The following AGAP3 variants were observed in gnomAD, a reference collection of about 807,000 sequenced individuals.
AGAP3 encodes the protein arf-GAP with GTPase, ANK repeat and PH domain-containing protein 3.
Under a neutral mutation model 96.9 loss-of-function variants are expected in AGAP3, and 24 were observed. The observed-to-expected ratio is 0.25, with a 90% CI of 0.18 to 0.35. AGAP3 has a LOEUF of 0.35. Ranked by LOEUF, AGAP3 falls within the 10% of genes least tolerant of loss-of-function variation. The pLI, the probability that AGAP3 is intolerant of heterozygous loss-of-function variation, is 1.00. For synonymous variants in AGAP3, 563 were observed against 536.1 expected (o/e 1.05, Z -0.69); for missense variants, 876 against 1,254.2 (o/e 0.70, Z 4.55).
rs892675579 is a variant in AGAP3 at position 151,096,649 on chromosome 7, T to A, written c.331+9577T>A. Reference sequence around the variant, plus strand: ...CACCACGCCCGGCTTATTTTTTGTATTTTTAGTAGAGACGAGGTTTCACCG... The same window carrying A: ...CACCACGCCCGGCTTATTTTTTGTAATTTTAGTAGAGACGAGGTTTCACCG... On this transcript the variant is annotated intron_variant, in intron 1 of 17. Transcript: ENST00000397238. This position sits in a 1 kb window ranked among gnomAD's most constrained non-coding sequence, Gnocchi z 4.4. 6.6e-6 allele frequency among the ~76,000 whole-genome samples: 1 copy of A among 151,936 alleles called. No homozygotes were observed. The highest frequency in any genetic ancestry group is 2.4e-5 in the African/African-American group (1 of 41,338).
rs117607417 is a variant in AGAP3 at position 151,096,254 on chromosome 7, C to T, written c.331+9182C>T. On this transcript the variant is annotated intron_variant, in intron 1 of 17. Transcript: ENST00000397238. The surrounding 1 kb of genome is among the most constrained non-coding windows in gnomAD (Gnocchi z 4.4). Reference sequence around the variant, plus strand: ...ATGAGATCACAGGAATGACCATTTCCGGACCCGAGCCTGAGAGCCCAGGTG... The same window carrying T: ...ATGAGATCACAGGAATGACCATTTCTGGACCCGAGCCTGAGAGCCCAGGTG... Among the ~76,000 whole-genome samples the T allele has an allele frequency of 1.2e-3, 187 of 152,278 alleles. 3 individuals are homozygous for T. The East Asian group carries it at 0.017, about 14-fold the overall frequency.
At chr7:151,110,540 T>C (rs1190123238) in intron 1 of AGAP3, among the ~76,000 whole-genome samples, 1 of 152,024 alleles carries the variant, frequency 6.6e-6, no homozygotes, top group Non-Finnish European at 1.5e-5. Context: ...TTGGGTGCCA[T>C]TCTACGCCAG....
chr7:151,141,101 C>T lies in AGAP3; in HGVS notation c.1805-797C>T, dbSNP rs1259334141. 1 of 152,156 alleles carries T rather than the reference C, an allele frequency of 6.6e-6. No individual in the cohort carries two copies. Among genetic ancestry groups the T allele is most frequent in the Non-Finnish European group, 1.5e-5 (1 of 68,050 alleles). The allele number at this position is 152,156 out of a possible 1,614,324, so 9.4% of individuals were successfully genotyped here. On this transcript the variant is annotated intron_variant, in intron 13 of 17. Coordinates refer to ENST00000397238, the MANE Select transcript of AGAP3 (RefSeq NM_031946.7). The surrounding 1 kb of genome is among the most constrained non-coding windows in gnomAD (Gnocchi z 4.2). ...TCACCCTGGGGCCTTACCACAGGCA[C>T]CTGTGCTGTCTTTCCAGCCCCCAGG... is the stretch of plus-strand genomic sequence containing the variant.
At chr7:151,104,171 T>G (rs570126831) in intron 1 of AGAP3, among the ~76,000 whole-genome samples, 1 of 152,342 alleles carries the variant, frequency 6.6e-6, no homozygotes, top group African/African-American at 2.4e-5. Flanking sequence ...CCTGAGTTGG[T>G]GATATCGGGA....
intron 1 of AGAP3, among the ~76,000 whole-genome samples, chr7:151,098,738 T>TC (rs1798712344): frequency 6.7e-6 from 1 of 148,292 alleles, no homozygotes; most frequent in African/African-American, 2.5e-5. Flanking sequence ...CTTTTCTTTT[T>TC]TTTTTTTTTT....
rs114966412 is a variant in AGAP3 at position 151,138,123 on chromosome 7, C to T, written c.1496-20C>T. 1,616 of 1,567,336 alleles carry T rather than the reference C, an allele frequency of 1.0e-3. 12 individuals carry two copies. The African/African-American group carries it at 0.02, about 19-fold the overall frequency. On this transcript the variant is annotated intron_variant, in intron 11 of 17. Transcript: ENST00000397238. ...CCCCTGCCCGGCCTCCCTTCCCAGT[C>T]TGACCCTTCCCGCCCCCAGGTGCCC...
chr7:151,110,686 T>C (rs2150443586), intron 1 of AGAP3, among the ~76,000 whole-genome samples: 1 of 151,696 alleles, frequency 6.6e-6, no homozygotes, highest in African/African-American at 2.4e-5. Context: ...GAAGCTGATG[T>C]GGTGCTTAGG....
chr7:151,124,975 C>T (rs2150499048), intron 9 of AGAP3, among the ~76,000 whole-genome samples: 1 of 152,330 alleles, frequency 6.6e-6, no homozygotes, highest in South Asian at 2.1e-4. Flanking sequence ...CTGGAGGGCC[C>T]CCTGGAAAGC....
At chr7:151,089,873 A>G (rs886206132) in intron 1 of AGAP3, 3 of 152,150 alleles carry the variant, frequency 2.0e-5, no homozygotes, top group African/African-American at 7.2e-5. Flanking sequence ...TCACCTCACT[A>G]GTGGGGAAAC....
At chr7:151,113,304 AG>A (rs1359266776) in intron 1 of AGAP3, among the ~76,000 whole-genome samples, 1 of 152,204 alleles carries the variant, frequency 6.6e-6, no homozygotes, top group African/African-American at 2.4e-5. Flanking sequence ...CATCCCATAC[AG>A]GAAGAAGCCG....
Position 151,139,990 on chromosome 7 carries a change from G to A in AGAP3, c.1678G>A (p.Ala560Thr). 1 of 1,573,994 alleles carries A rather than the reference G, an allele frequency of 6.4e-7. No individual in the cohort carries two copies. Among genetic ancestry groups the A allele is most frequent in the South Asian group, 1.2e-5 (1 of 84,872 alleles). Residue 560 changes from alanine (A) to threonine (T), a missense_variant, in exon 13 of 18, where the codon GCT (alanine) becomes ACT (threonine). Physicochemically the swap from Ala to Thr is moderately conservative, Grantham distance 58. This residue lies in a region of AGAP3 where 155 missense variants were observed against 144.4 expected (regional missense o/e 1.07). Coordinates refer to ENST00000397238, the MANE Select transcript of AGAP3 (RefSeq NM_031946.7). This position sits in a 1 kb window ranked among gnomAD's most constrained non-coding sequence, Gnocchi z 4.9. ...TCTCCCCTCACCAGCCAGTGGCCCAGCTGAGGTACTCAGTTCCAGCCCCAA... is the reference window on the plus strand; with the variant it reads ...TCTCCCCTCACCAGCCAGTGGCCCAACTGAGGTACTCAGTTCCAGCCCCAA... The part of the protein sequence containing the change: ...PGMQHPASGP[A>T]EVLSSSPKLD...
Position 151,114,803 on chromosome 7 carries a change from T to A in AGAP3, c.332-1990T>A. The stretch of plus-strand genomic sequence containing the variant: ...GGGGCTGGCCGCAGGGGGACAGCTG[T>A]CCCGGGGAGCGGCCCGCCGCTTGCC... On this transcript the variant is annotated intron_variant, in intron 1 of 17. Coordinates refer to ENST00000397238, the MANE Select transcript of AGAP3 (RefSeq NM_031946.7). The surrounding 1 kb of genome is among the most constrained non-coding windows in gnomAD (Gnocchi z 4.4). The A allele has an allele frequency of 9.5e-7, 1 of 1,052,554 alleles. No individual in the cohort carries two copies. The highest frequency in any genetic ancestry group is 1.1e-6 in the Non-Finnish European group (1 of 875,104). 65.2% of individuals were successfully genotyped at this position (1,052,554 alleles called of 1,614,324 possible). A position where few individuals can be genotyped will look rare whatever the true frequency, so the allele number is the denominator to read the frequency against.
At chr7:151,116,020 C>T (rs1451953598) in intron 1 of AGAP3, among the ~76,000 whole-genome samples, 1 of 152,210 alleles carries the variant, frequency 6.6e-6, no homozygotes, top group Non-Finnish European at 1.5e-5. Context: ...GGGACAGTGC[C>T]TCTGGGAGCC....
chr7:151,101,858 C>T (rs1043852291), intron 1 of AGAP3, among the ~76,000 whole-genome samples: 2 of 152,144 alleles, frequency 1.3e-5, no homozygotes, highest in Non-Finnish European at 2.9e-5. Context: ...TGCCTCCCGT[C>T]CCTCTGTTCC....
At chr7:151,088,558 G>A (rs1028096249) in intron 1 of AGAP3, among the ~76,000 whole-genome samples, 1 of 152,234 alleles carries the variant, frequency 6.6e-6, no homozygotes, top group Non-Finnish European at 1.5e-5. Flanking sequence ...GTCCTTGGAG[G>A]AAGTAAAGAC....
At position 151,134,586 on chromosome 7, in the gene AGAP3, G is replaced by C; in HGVS notation, c.1495+18G>C. The C allele has an allele frequency of 1.3e-6, 2 of 1,588,062 alleles. No individual in the cohort carries two copies. The highest frequency in any genetic ancestry group is 1.7e-6 in the Non-Finnish European group (2 of 1,164,546). ...GGGCACAGGTGAGGCGGCTGCTGAG[G>C]TGGGGGCCTGGGGGGTGGCTGCCTT... On this transcript the variant is annotated intron_variant, in intron 11 of 17. Coordinates refer to ENST00000397238, the MANE Select transcript of AGAP3 (RefSeq NM_031946.7).
At position 151,143,471 on chromosome 7, in the gene AGAP3, G is replaced by T. The variant is rs770103614; in HGVS notation, c.2404G>T (p.Val802Leu). ...AVVEDDLRLL[V>L]MLLAHGSKEE... ...GGTGGAAGATGACCTGCGGCTGTTG[G>T]TGATGCTCCTGGCACATGGCTCCAA... Residue 802 changes from valine to leucine, a missense_variant, in exon 17 of 18, where the codon GTG becomes TTG. Coordinates refer to ENST00000397238, the MANE Select transcript of AGAP3 (RefSeq NM_031946.7). This position sits in a 1 kb window ranked among gnomAD's most constrained non-coding sequence, Gnocchi z 5.9. 8.7e-6 allele frequency: 14 copies of T among 1,614,242 alleles called. No homozygotes were observed. The South Asian group carries it at 1.4e-4, about 16-fold the overall frequency.
rs1485713216 is a variant in AGAP3, at chr7:151,108,453, C to T, written c.332-8340C>T. ...CTGCCACCCGCACCCCCACCAGCAC[C>T]TCTGCCGCCTTCTCTCCCTCAGCTT... On this transcript the variant is annotated intron_variant, in intron 1 of 17. Transcript: ENST00000397238. The surrounding 1 kb of genome is among the most constrained non-coding windows in gnomAD (Gnocchi z 4.2). Among the ~76,000 whole-genome samples, 1 of 152,304 alleles carries T rather than the reference C, an allele frequency of 6.6e-6. No individual in the cohort carries two copies. The highest frequency in any genetic ancestry group is 6.5e-5 in the Admixed American group (1 of 15,302).
At position 151,116,348 on chromosome 7, in the gene AGAP3, G is replaced by T. The variant is rs6977445; in HGVS notation, c.332-445G>T. 8.0e-3 allele frequency: 1,324 copies of T among 164,990 alleles called. 19 individuals carry two copies. The highest frequency in any genetic ancestry group is 0.03 in the African/African-American group (1,246 of 41,918). The allele number at this position is 164,990 out of a possible 1,614,324, so 10.2% of individuals were successfully genotyped here. A position where few individuals can be genotyped will look rare whatever the true frequency, so the allele number is the denominator to read the frequency against. On this transcript the variant is annotated intron_variant, in intron 1 of 17. Transcript: ENST00000397238. ...GGAATGTGGTGGGTGGCCCCACCCT[G>T]CCAGGGTGCGCTGTTCTTACTTGCA...
Sources: gnomAD v4.1 joint callset for allele counts (sites outside exome capture counted in the v4.1 genomes callset) on GRCh38, gnomAD v4.1.1 for gene constraint, gnomAD v4.1.1 regional missense constraint, Gnocchi (gnomAD v3.1) non-coding constraint, MANE v1.5 for transcripts, NCBI Gene and HGNC (gene_info 2026-07-23, HGNC 2026-07-21) for gene names.